SEL1L: variants seen among roughly 807,000 people sequenced by gnomAD.
SEL1L encodes SEL1L adaptor subunit of SYVN1 ubiquitin ligase, also known as protein sel-1 homolog 1.
In SEL1L, 52 loss-of-function variants were observed where a neutral mutation model predicts 109.8. The ratio of observed to expected loss-of-function variants is 0.47; its 90% CI spans 0.38 to 0.60. SEL1L has a LOEUF of 0.60. Ranked by LOEUF, SEL1L falls within the 20% of genes least tolerant of loss-of-function variation. The pLI is 0.00. For missense variants in SEL1L, 749 were observed against 962.2 expected, an observed-to-expected ratio of 0.78 and a Z score of 2.93; for synonymous variants, 373 against 339.6, an observed-to-expected ratio of 1.10 and a Z score of -1.08.
Position 81,475,038 on chromosome 14 carries a change from A to T in SEL1L, c.*1934T>A, listed in dbSNP as rs1903116336. 1 of 152,214 alleles carries T rather than the reference A, an allele frequency of 6.6e-6. No individual in the cohort carries two copies. Among genetic ancestry groups the T allele is most frequent in the Admixed American group, 6.5e-5 (1 of 15,284 alleles). The allele number at this position is 152,214 out of a possible 1,614,324, so 9.4% of individuals were successfully genotyped here. On this transcript the variant is annotated 3_prime_UTR_variant, in exon 21 of 21. Coordinates refer to ENST00000336735, the MANE Select transcript of SEL1L (RefSeq NM_005065.6). ...TGGTAGTCATCTTGGGTGGTTTTTCAACTTTTAAATAAATTATAACAGTTC... is the reference window on the plus strand; with the variant it reads ...TGGTAGTCATCTTGGGTGGTTTTTCTACTTTTAAATAAATTATAACAGTTC...
intron 3 of SEL1L, among the ~76,000 whole-genome samples, chr14:81,520,972 C>T (rs569052076): frequency 1.7e-4 from 26 of 152,258 alleles, no homozygotes; most frequent in Non-Finnish European, 2.2e-4. Flanking sequence ...AGGAAAGAAA[C>T]GACCCGAGAG....
intron 3 of SEL1L, among the ~76,000 whole-genome samples, chr14:81,516,084 A>C (rs1046450131): frequency 9.2e-5 from 14 of 152,204 alleles, no homozygotes; most frequent in African/African-American, 3.4e-4. Flanking sequence ...CACTATGCCG[A>C]GGCAATCACT....
chr14:81,503,021 T>C (rs894006932), intron 5 of SEL1L, 138 bp from the exon 6 acceptor site: 5 of 693,118 alleles, frequency 7.2e-6, no homozygotes, highest in Non-Finnish European at 1.1e-5. Context: ...AGATGGAGTT[T>C]CACTCTTGTT....
chr14:81,489,411 C>T (rs1766051390), intron 13 of SEL1L, 97 bp from the exon 14 acceptor site: 2 of 966,126 alleles, frequency 2.1e-6, no homozygotes, highest in Admixed American at 4.3e-5. Flanking sequence ...TAAGCATATT[C>T]AAAAACATGT....
chr14:81,474,014 T>C lies in SEL1L; in HGVS notation c.*2958A>G, dbSNP rs1903083016. On this transcript the variant is annotated 3_prime_UTR_variant, in exon 21 of 21. Coordinates refer to ENST00000336735, the MANE Select transcript of SEL1L (RefSeq NM_005065.6). The stretch of plus-strand genomic sequence containing the variant: ...ACTTCCCAACAGTACAGAGACAGAA[T>C]GGCTTAGTGGTAAGACTCTCACATG... 6.6e-6 allele frequency: 1 copy of C among 152,094 alleles called. No homozygotes were observed. Among genetic ancestry groups the C allele is most frequent in the East Asian group, 1.9e-4 (1 of 5,182 alleles). 9.4% of individuals were successfully genotyped at this position (152,094 alleles called of 1,614,324 possible).
Position 81,472,423 on chromosome 14 carries a change from G to A in SEL1L, c.*4549C>T, listed in dbSNP as rs890442948. On this transcript the variant is annotated 3_prime_UTR_variant, in exon 21 of 21. Transcript: ENST00000336735. ...CAGTTACCTCTTTGAGTTGCCTGCT[G>A]GGAAGCTGGGGGCCAAATTTGTAGC... 1 of 226,192 alleles carries A rather than the reference G, an allele frequency of 4.4e-6. No homozygotes were observed. The highest frequency in any genetic ancestry group is 8.9e-6 in the Non-Finnish European group (1 of 111,810). The allele number at this position is 226,192 out of a possible 1,614,324, so 14.0% of individuals were successfully genotyped here. A position where few individuals can be genotyped will look rare whatever the true frequency, so the allele number is the denominator to read the frequency against.
At chr14:81,495,371 G>T (rs1478816691) in intron 10 of SEL1L, among the ~76,000 whole-genome samples, 1 of 152,194 alleles carries the variant, frequency 6.6e-6, no homozygotes, top group African/African-American at 2.4e-5. Context: ...AGGTGCGGTG[G>T]CTCACGCCTG....
chr14:81,502,062 T>G (rs1302130501), intron 6 of SEL1L, among the ~76,000 whole-genome samples: 1 of 151,230 alleles, frequency 6.6e-6, no homozygotes, highest in Admixed American at 6.6e-5. Flanking sequence ...ACAAAACAGG[T>G]ATAAAGAAAA....
In SEL1L at chr14:81,531,584, C is replaced by T. The variant is rs147130994; in HGVS notation, c.70+2091G>A. Reference sequence around the variant, plus strand: ...TTTCTTTTTTTTTGAGACAGGGTCTCGCTCTATTGTCCAGGCTGGAGTGCA... The same window carrying T: ...TTTCTTTTTTTTTGAGACAGGGTCTTGCTCTATTGTCCAGGCTGGAGTGCA... On this transcript the variant is annotated intron_variant, in intron 1 of 20. Transcript: ENST00000336735. 6.2e-3 allele frequency among the ~76,000 whole-genome samples: 947 copies of T among 151,606 alleles called. 8 individuals carry two copies. Among genetic ancestry groups the T allele is most frequent in the African/African-American group, 0.021 (879 of 41,274 alleles).
chr14:81,511,099 T>C (rs1053028593), intron 3 of SEL1L, among the ~76,000 whole-genome samples: 1 of 152,234 alleles, frequency 6.6e-6, no homozygotes, highest in Non-Finnish European at 1.5e-5. Flanking sequence ...TGCTACAGAC[T>C]GCTTTCACCA....
At chr14:81,504,486 A>ATAT (rs373588323) in intron 4 of SEL1L, among the ~76,000 whole-genome samples, 180 bp from the exon 5 acceptor site, 14 of 151,280 alleles carry the variant, frequency 9.3e-5, no homozygotes, top group African/African-American at 2.9e-4. Context: ...ACTTAAAAAA[A>ATAT]ATATATATAT....
At chr14:81,490,762 G>A (rs548990922) in intron 12 of SEL1L, among the ~76,000 whole-genome samples, 9 of 152,100 alleles carry the variant, frequency 5.9e-5, no homozygotes, top group African/African-American at 1.9e-4. Context: ...TTAGCCAGGC[G>A]TGGTGGCGTG....
At position 81,474,402 on chromosome 14, in the gene SEL1L, A is replaced by T. The variant is rs1389048080; in HGVS notation, c.*2570T>A. On this transcript the variant is annotated 3_prime_UTR_variant, in exon 21 of 21. Transcript: ENST00000336735. ...AAGTTCGAAGGCAGGAAGACAGACT[A>T]GAAAAGGTCTTAGGAGAGATGGGCT... is the stretch of plus-strand genomic sequence containing the variant. 1 of 152,242 alleles carries T rather than the reference A, an allele frequency of 6.6e-6. No homozygotes were observed. Among genetic ancestry groups the T allele is most frequent in the African/African-American group, 2.4e-5 (1 of 41,466 alleles). 9.4% of individuals were successfully genotyped at this position (152,242 alleles called of 1,614,324 possible). A position where few individuals can be genotyped will look rare whatever the true frequency, so the allele number is the denominator to read the frequency against.
intron 13 of SEL1L, among the ~76,000 whole-genome samples, chr14:81,489,747 C>T (rs1411545584): frequency 6.6e-6 from 1 of 152,044 alleles, no homozygotes; most frequent in Non-Finnish European, 1.5e-5. Flanking sequence ...AGCAATGCTG[C>T]TATCAGGTGA....
Position 81,485,918 on chromosome 14 carries a change from C to T in SEL1L, c.1799-172G>A, listed in dbSNP as rs548069872. Among the ~76,000 whole-genome samples, 3 of 152,266 alleles carry T rather than the reference C, an allele frequency of 2.0e-5. No individual in the cohort carries two copies. The South Asian group carries it at 6.2e-4, about 32-fold the overall frequency. ...CTGAACTAAAATAGTGAGTTCAAAGCAATCACTGGATGCAAGAGGGCACTA... is the reference window on the plus strand; with the variant it reads ...CTGAACTAAAATAGTGAGTTCAAAGTAATCACTGGATGCAAGAGGGCACTA... On this transcript the variant is annotated intron_variant, in intron 17 of 20. Transcript: ENST00000336735.
rs1903181275 is a variant in SEL1L, at chr14:81,477,012, G to A, written c.2345C>T (p.Pro782Leu). 6.2e-7 allele frequency: 1 copy of A among 1,614,172 alleles called. No individual in the cohort carries two copies. The highest frequency in any genetic ancestry group is 8.5e-7 in the Non-Finnish European group (1 of 1,180,040). The change falls in exon 21 of 21, where the codon CCC (proline) becomes CTC (leucine). Residue 782 changes from proline (P) to leucine (L), a missense_variant. Transcript: ENST00000336735. Reference protein sequence around the residue: ...PRPPGPRPAPPQQEGPPEQQP... With the variant: ...PRPPGPRPAPLQQEGPPEQQP... ...CTGCTCTGGTGGCCCCTCCTGCTGG[G>A]GTGGAGCTGGCCGTGGCCCTGGAGG...
chr14:81,522,369 G>T (rs1431675540), intron 3 of SEL1L, among the ~76,000 whole-genome samples: 1 of 152,140 alleles, frequency 6.6e-6, no homozygotes, highest in African/African-American at 2.4e-5. Flanking sequence ...TCCATTCATG[G>T]GAAGTGCCCT....
chr14:81,518,032 G>A (rs1043386239), intron 3 of SEL1L, among the ~76,000 whole-genome samples: 12 of 152,062 alleles, frequency 7.9e-5, no homozygotes, highest in African/African-American at 2.2e-4. Context: ...AGGCTCAAGC[G>A]ATTCTCATGC....
intron 2 of SEL1L, 143 bp from the exon 3 acceptor site, chr14:81,527,107 AT>A (rs1885142933): frequency 1.5e-6 from 1 of 648,228 alleles, no homozygotes; most frequent in Admixed American, 2.9e-5. Flanking sequence ...AGGCTTTGGC[AT>A]GTGTCCATCA....
Sources: allele counts gnomAD v4.1 joint callset (sites outside exome capture counted in the v4.1 genomes callset), GRCh38; gene constraint gnomAD v4.1.1; transcripts MANE v1.5; gene names NCBI Gene and HGNC (gene_info 2026-07-23, HGNC 2026-07-21).